STK39: variants seen among roughly 807,000 people sequenced by gnomAD.
STK39 encodes the protein STE20/SPS1-related proline-alanine-rich protein kinase.
STK39 carries 20 observed loss-of-function variants against 77.8 expected under a neutral mutation model. That is an observed-to-expected ratio of 0.26 (90% CI 0.18 to 0.37). The LOEUF is 0.37. Among genes scored for constraint, STK39 ranks in the 10% least tolerant of loss-of-function variants. STK39 has a pLI of 1.00. For missense variants in STK39, 479 were observed against 656.5 expected, an observed-to-expected ratio of 0.73 and a Z score of 2.95; for synonymous variants, 246 against 234.1, an observed-to-expected ratio of 1.05 and a Z score of -0.47.
chr2:168,033,631 A>C (rs4668001), intron 14 of STK39, among the ~76,000 whole-genome samples: 48,242 of 152,102 alleles, frequency 0.32, 8,690 homozygotes, highest in Non-Finnish European at 0.4. Context: ...TGAACAGAGA[A>C]GGCAGGGGAG....
intron 16 of STK39, among the ~76,000 whole-genome samples, chr2:167,970,437 T>A (rs536371181): frequency 1.3e-5 from 2 of 152,250 alleles, no homozygotes; most frequent in South Asian, 4.2e-4. Flanking sequence ...CCGTATTTGG[T>A]AAATATCCTC....
At chr2:167,980,548 C>T (rs1409618793) in intron 16 of STK39, among the ~76,000 whole-genome samples, 3 of 152,166 alleles carry the variant, frequency 2.0e-5, no homozygotes, top group Non-Finnish European at 2.9e-5. Flanking sequence ...CCAATGCAGC[C>T]GACTGAGGCA....
At position 168,098,169 on chromosome 2, in the gene STK39, G is replaced by A. The variant is rs116306162; in HGVS notation, c.1090-22938C>T. Among the ~76,000 whole-genome samples, 486 of 152,192 alleles carry A rather than the reference G, an allele frequency of 3.2e-3. 3 individuals carry two copies. The highest frequency in any genetic ancestry group is 0.011 in the African/African-American group (455 of 41,530). ...CCTAGCTAGTGCCTAGCATATTTTC[G>A]GCACCCAAGAAATATTTGAGGATTT... On this transcript the variant is annotated intron_variant, in intron 10 of 17. Coordinates refer to ENST00000355999, the MANE Select transcript of STK39 (RefSeq NM_013233.3).
At chr2:168,128,225 T>C (rs1687595837) in intron 10 of STK39, among the ~76,000 whole-genome samples, 1 of 152,198 alleles carries the variant, frequency 6.6e-6, no homozygotes, top group African/African-American at 2.4e-5. Flanking sequence ...ACATGTACTA[T>C]ATAAGCTAAT....
At chr2:168,109,466 C>T (rs1354694102) in intron 10 of STK39, among the ~76,000 whole-genome samples, 2 of 152,182 alleles carry the variant, frequency 1.3e-5, no homozygotes, top group African/African-American at 4.8e-5. Flanking sequence ...ACAGCATTTA[C>T]TCATTCTCCT....
At chr2:168,203,956 A>T (rs961054973) in intron 1 of STK39, among the ~76,000 whole-genome samples, 6 of 152,328 alleles carry the variant, frequency 3.9e-5, no homozygotes, top group African/African-American at 1.4e-4. Context: ...AACACCCTGG[A>T]ATGTGAAACA....
chr2:167,970,528 A>T (rs1692304844), intron 16 of STK39, among the ~76,000 whole-genome samples: 2 of 152,236 alleles, frequency 1.3e-5, no homozygotes, highest in South Asian at 4.1e-4. Flanking sequence ...CCCCAAATTG[A>T]GACTCTCTGA....
At position 168,041,405 on chromosome 2, in the gene STK39, C is replaced by G. The variant is rs949248235; in HGVS notation, c.1376+22095G>C. On this transcript the variant is annotated intron_variant, in intron 14 of 17. Coordinates refer to ENST00000355999, the MANE Select transcript of STK39 (RefSeq NM_013233.3). Reference sequence around the variant, plus strand: ...ATTTGCCCAGGCTAATATCACTTCTCCTATACTGTATGGTTTACAAGTATG... The same window carrying G: ...ATTTGCCCAGGCTAATATCACTTCTGCTATACTGTATGGTTTACAAGTATG... Among the ~76,000 whole-genome samples the G allele has an allele frequency of 1.2e-4, 18 of 151,990 alleles. 1 individual carries two copies. Among genetic ancestry groups the G allele is most frequent in the Admixed American group, 1.1e-3 (17 of 15,264 alleles).
chr2:168,226,338 G>C (rs1690305430), intron 1 of STK39, among the ~76,000 whole-genome samples: 2 of 152,024 alleles, frequency 1.3e-5, no homozygotes, highest in Non-Finnish European at 2.9e-5. Flanking sequence ...TTATGGATGA[G>C]ATTCCTGTCC....
intron 2 of STK39, among the ~76,000 whole-genome samples, chr2:168,174,896 C>T (rs1304797538): frequency 6.6e-6 from 1 of 150,496 alleles, no homozygotes; most frequent in Non-Finnish European, 1.5e-5. Context: ...CTTTTCTTGT[C>T]AGCCAAATTG....
At chr2:168,165,945 G>T (rs1369023335) in intron 3 of STK39, among the ~76,000 whole-genome samples, 1 of 152,202 alleles carries the variant, frequency 6.6e-6, no homozygotes, top group African/African-American at 2.4e-5. Context: ...GATACCCAGA[G>T]AATCAAGCCC....
intron 1 of STK39, among the ~76,000 whole-genome samples, chr2:168,233,128 A>G (rs1690503007): frequency 6.6e-6 from 1 of 152,168 alleles, no homozygotes; most frequent in Admixed American, 6.5e-5. Context: ...TACTATTCTT[A>G]CGTTCATCCT....
At chr2:168,226,041 T>C (rs1559155207) in intron 1 of STK39, among the ~76,000 whole-genome samples, 1 of 152,172 alleles carries the variant, frequency 6.6e-6, no homozygotes, top group Non-Finnish European at 1.5e-5. Flanking sequence ...TAAGGAGCTA[T>C]GAGTGAGCCA....
intron 10 of STK39, among the ~76,000 whole-genome samples, chr2:168,121,932 C>T (rs1425639146): frequency 2.6e-5 from 4 of 152,338 alleles, no homozygotes; most frequent in Middle Eastern, 6.8e-3. Flanking sequence ...ACAGATATAG[C>T]TCTTGCTGTT....
At chr2:168,039,408 A>C (rs1685044223) in intron 14 of STK39, among the ~76,000 whole-genome samples, 2 of 27,372 alleles carry the variant, frequency 7.3e-5, no homozygotes, top group South Asian at 6.8e-4. Flanking sequence ...CTGGCTAACA[A>C]GGTGAAACCC....
At chr2:168,199,423 G>A (rs753116609) in intron 1 of STK39, among the ~76,000 whole-genome samples, 16 of 152,084 alleles carry the variant, frequency 1.1e-4, no homozygotes, top group Non-Finnish European at 1.5e-4. Context: ...AAATCGTTCC[G>A]TTTTGCAAAA....
chr2:168,216,910 C>T (rs566856480), intron 1 of STK39, among the ~76,000 whole-genome samples: 4 of 152,264 alleles, frequency 2.6e-5, no homozygotes, highest in East Asian at 1.9e-4. Context: ...CCAACCAACC[C>T]GCTAGGAACA....
At chr2:168,026,606 TC>T (rs1684705462) in intron 14 of STK39, among the ~76,000 whole-genome samples, 1 of 152,162 alleles carries the variant, frequency 6.6e-6, no homozygotes, top group Admixed American at 6.5e-5. Context: ...TGCTCTTTAT[TC>T]TAGACTGATG....
Position 168,210,085 on chromosome 2 carries a change from G to C in STK39, c.209-27995C>G, listed in dbSNP as rs560978623. ...AGGAAGGAAGGAAGGAAGGAAGAAA[G>C]AAACTCATGTAATTAGAAAAACCTC... On this transcript the variant is annotated intron_variant, in intron 1 of 17. Coordinates refer to ENST00000355999, the MANE Select transcript of STK39 (RefSeq NM_013233.3). Among the ~76,000 whole-genome samples, 93 of 142,646 alleles carry C rather than the reference G, an allele frequency of 6.5e-4. 1 individual carries two copies. The highest frequency in any genetic ancestry group is 2.5e-3 in the East Asian group (9 of 3,552). The allele number at this position is 142,646 out of a possible 152,430, so 93.6% of individuals were successfully genotyped here. A position where few individuals can be genotyped will look rare whatever the true frequency, so the allele number is the denominator to read the frequency against.
Sources: allele counts gnomAD v4.1 joint callset (sites outside exome capture counted in the v4.1 genomes callset), GRCh38; gene constraint gnomAD v4.1.1; transcripts MANE v1.5; gene names NCBI Gene and HGNC (gene_info 2026-07-23, HGNC 2026-07-21).